The following PRDM14 variants were observed in gnomAD, a reference collection of about 807,000 sequenced individuals.
PRDM14 encodes PR/SET domain 14.
A neutral mutation model predicts 48.0 loss-of-function variants in PRDM14; 16 were observed. The ratio of observed to expected loss-of-function variants is 0.33; its 90% confidence interval spans 0.23 to 0.51. The LOEUF (loss-of-function observed/expected upper bound fraction) is 0.51. Among genes scored for constraint, PRDM14 ranks in the 20% least tolerant of loss-of-function variants. The pLI is 0.97. For synonymous variants in PRDM14, 264 were observed against 276.6 expected (o/e 0.95, Z 0.45); for missense variants, 566 against 719.6 (o/e 0.79, Z 2.44).
chr8:70,056,237 C>A (rs540179322), intron 6 of PRDM14, among the ~76,000 whole-genome samples: 85 of 152,338 alleles, frequency 5.6e-4, no homozygotes, highest in African/African-American at 2.0e-3. Flanking sequence ...CCTGGCAACT[C>A]CTCTCGAAAC....
At chr8:70,059,809 T>G (rs1350756131) in intron 5 of PRDM14, among the ~76,000 whole-genome samples, 1 of 152,056 alleles carries the variant, frequency 6.6e-6, no homozygotes, top group Non-Finnish European at 1.5e-5. Flanking sequence ...AAAGCATAAT[T>G]GTGACCAGGC....
intron 5 of PRDM14, among the ~76,000 whole-genome samples, chr8:70,064,104 G>A (rs1805628089): frequency 6.6e-6 from 1 of 152,060 alleles, no homozygotes; most frequent in African/African-American, 2.4e-5. Flanking sequence ...TCAGTGGCGG[G>A]GGGAACCCAG....
Position 70,066,360 on chromosome 8 carries a change from C to A in PRDM14, c.1058G>T (p.Cys353Phe), listed in dbSNP as rs750600524. The change falls in exon 5 of 8, where the codon TGC becomes TTC. Residue 353 changes from cysteine (C) to phenylalanine (F), a missense_variant. Cys to Phe is a radical substitution (Grantham distance 205). Transcript: ENST00000276594. ...QCQGHIFYES[C>F]KEIHQNQELL... is the part of the protein sequence containing the mutation. Reference sequence around the variant, plus strand: ...CTCTTGGTTCTGATGGATCTCTTTGCAGCTCTCATAAAATATATGCCCTTG... The same window carrying A: ...CTCTTGGTTCTGATGGATCTCTTTGAAGCTCTCATAAAATATATGCCCTTG... The A allele has an allele frequency of 6.2e-7, 1 of 1,614,158 alleles. No individual in the cohort carries two copies. The highest frequency in any genetic ancestry group is 2.2e-5 in the East Asian group (1 of 44,872).
rs184472370 is a variant in PRDM14 at position 70,068,320 on chromosome 8, G to A, written c.822C>T (p.Ile274=). Reference sequence around the variant, plus strand: ...AGGGCCCAAACCTGACTCCTTTGGCGATAAAACTACTGCAGAACACACCAA... The same window carrying A: ...AGGGCCCAAACCTGACTCCTTTGGCAATAAAACTACTGCAGAACACACCAA... ...PHFGVFCSSF[I]AKGVRFGPFQ... is the part of the protein sequence containing the mutation. Residue 274 remains isoleucine (I), a synonymous_variant, in exon 4 of 8, where the codon ATC becomes ATT. Transcript: ENST00000276594. The A allele has an allele frequency of 2.5e-5, 41 of 1,614,156 alleles. No individual in the cohort carries two copies. The highest frequency in any genetic ancestry group is 1.3e-4 in the East Asian group (6 of 44,890).
At chr8:70,060,346 C>T (rs1039048637) in intron 5 of PRDM14, among the ~76,000 whole-genome samples, 17 of 149,982 alleles carry the variant, frequency 1.1e-4, no homozygotes, top group African/African-American at 3.7e-4. Context: ...CTGCAATGAG[C>T]AGTGATTGAG....
rs760525174 is a variant in PRDM14, at chr8:70,066,462, C to T, written c.956G>A (p.Gly319Glu). The T allele has an allele frequency of 2.5e-6, 4 of 1,614,086 alleles. No individual in the cohort carries two copies. The South Asian group carries it at 3.3e-5, about 13-fold the overall frequency. Residue 319 changes from glycine (G) to glutamate (E), a missense_variant, in exon 5 of 8, where the codon GGA (glycine) becomes GAA (glutamate). By Grantham distance (98) the Gly-to-Glu change is moderately conservative. Transcript: ENST00000276594. Reference protein sequence around the residue: ...GHLSHFIDGKGGTGNWMSYVN... With the variant: ...GHLSHFIDGKEGTGNWMSYVN... The stretch of plus-strand genomic sequence containing the variant: ...ATAGGACATCCAGTTCCCCGTACCT[C>T]CTTTTCCATCTATAAAGTGGCTCAA...
intron 7 of PRDM14, among the ~76,000 whole-genome samples, chr8:70,054,205 T>C (rs1301390130): frequency 2.0e-5 from 3 of 152,226 alleles, no homozygotes; most frequent in South Asian, 2.1e-4. Flanking sequence ...CTGTGTAACA[T>C]AGACTAGATG....
chr8:70,058,508 C>T, intron 6 of PRDM14, 132 bp downstream of exon 6: 1 of 726,438 alleles, frequency 1.4e-6, no homozygotes. Flanking sequence ...ACTATCCTCT[C>T]CTCCTTCAGA....
chr8:70,058,604 AC>A, intron 6 of PRDM14, 35 bp downstream of exon 6: 1 of 1,581,772 alleles, frequency 6.3e-7, no homozygotes, highest in Non-Finnish European at 8.7e-7. Flanking sequence ...GGGAGAGAGA[AC>A]GTGATGGTGG....
rs749236694 is a variant in PRDM14, at chr8:70,069,186, G to A, written c.675C>T (p.Gly225=). The change falls in exon 2 of 8, where the codon GGC becomes GGT. Residue 225 remains glycine, a synonymous_variant. Transcript: ENST00000276594. ...HPASLHHAIS[G]LLVPPDSSGS... is the part of the protein sequence containing the mutation. ...CAGAGCTGTCTGGGGGGACCAGGAG[G>A]CCTGAAATCGCATGGTGCAGGCTGG... 5.9e-6 allele frequency: 9 copies of A among 1,519,996 alleles called. No individual in the cohort carries two copies. Among genetic ancestry groups the A allele is most frequent in the East Asian group, 2.3e-5 (1 of 43,652 alleles). The allele number at this position is 1,519,996 out of a possible 1,614,324, so 94.2% of individuals were successfully genotyped here.
intron 5 of PRDM14, among the ~76,000 whole-genome samples, chr8:70,059,713 T>G (rs866481106): frequency 2.6e-5 from 4 of 152,220 alleles, no homozygotes; most frequent in Middle Eastern, 3.2e-3. Context: ...ATATCACCGC[T>G]CGCCATAGTA....
intron 5 of PRDM14, among the ~76,000 whole-genome samples, chr8:70,060,599 T>C (rs555526466): frequency 2.0e-5 from 3 of 152,254 alleles, no homozygotes; most frequent in Non-Finnish European, 4.4e-5. Context: ...ATGGTTGCTA[T>C]GTCTCTTAAA....
At chr8:70,052,729 C>T (rs547900783) in intron 7 of PRDM14, among the ~76,000 whole-genome samples, 1 of 151,702 alleles carries the variant, frequency 6.6e-6, no homozygotes, top group African/African-American at 2.4e-5. Context: ...GTCAGGCATG[C>T]TATCGTGCAC....
chr8:70,069,326 C>T lies in PRDM14; in HGVS notation c.535G>A (p.Glu179Lys), dbSNP rs1805724667. The part of the protein sequence containing the change: ...LLPCSPSKQS[E>K]DGPKPSNQEG... ...TGGTTGGAGGGTTTGGGACCATCCT[C>T]TGACTGCTTGCTGGGTGAGCAAGGT... Residue 179 changes from glutamate (E) to lysine (K), a missense_variant, in exon 2 of 8, where the codon GAG (glutamate) becomes AAG (lysine). By Grantham distance (56) the Glu-to-Lys change is moderately conservative. This residue lies in a region of PRDM14 where 410 missense variants were observed against 424.6 expected (regional missense o/e 0.97). Transcript: ENST00000276594. 1 of 1,611,580 alleles carries T rather than the reference C, an allele frequency of 6.2e-7. No individual in the cohort carries two copies. The highest frequency in any genetic ancestry group is 8.5e-7 in the Non-Finnish European group (1 of 1,178,782).
chr8:70,069,260 C>A lies in PRDM14; in HGVS notation c.601G>T (p.Asp201Tyr). 5 of 1,609,042 alleles carry A rather than the reference C, an allele frequency of 3.1e-6. No individual in the cohort carries two copies. The highest frequency in any genetic ancestry group is 4.2e-6 in the Non-Finnish European group (5 of 1,177,404). The change falls in exon 2 of 8, where the codon GAC becomes TAC. Residue 201 changes from aspartate (D) to tyrosine (Y), a missense_variant. Coordinates refer to ENST00000276594, the MANE Select transcript of PRDM14 (RefSeq NM_024504.4). ...SPARFQFTEE[D>Y]LHFVLYGVTP... ...ACCCCGTACAGAACGAAGTGCAGGT[C>A]CTCCTCCGTGAACTGGAACCGAGCA...
chr8:70,064,682 G>A (rs1052963912), intron 5 of PRDM14, among the ~76,000 whole-genome samples: 1 of 151,652 alleles, frequency 6.6e-6, no homozygotes, highest in Non-Finnish European at 1.5e-5. Context: ...CCGCCACCAC[G>A]CCCGGCTAAT....
chr8:70,065,650 T>TAG (rs1805656325), intron 5 of PRDM14, among the ~76,000 whole-genome samples: 1 of 152,110 alleles, frequency 6.6e-6, no homozygotes, highest in Non-Finnish European at 1.5e-5. Context: ...CTGAGACCCA[T>TAG]AGTAGGCAAT....
intron 6 of PRDM14, 51 bp downstream of exon 6, chr8:70,058,589 G>A (rs1271165023): frequency 6.5e-7 from 1 of 1,535,448 alleles, no homozygotes; most frequent in Non-Finnish European, 9.0e-7. Flanking sequence ...TCAGGAGCTT[G>A]GGAAGGGAGA....
chr8:70,063,254 C>T (rs934884873), intron 5 of PRDM14, among the ~76,000 whole-genome samples: 15 of 151,918 alleles, frequency 9.9e-5, no homozygotes, highest in South Asian at 2.1e-4. Context: ...GCCAAAATGG[C>T]GAAACCCCAT....
Sources: allele counts gnomAD v4.1 joint callset (sites outside exome capture counted in the v4.1 genomes callset), GRCh38; gene constraint gnomAD v4.1.1; regional missense constraint gnomAD v4.1.1; transcripts MANE v1.5; gene names NCBI Gene and HGNC (gene_info 2026-07-23, HGNC 2026-07-21).